EXOC4: variants seen among roughly 807,000 people sequenced by gnomAD.
EXOC4 encodes the protein SEC8-like 1.
EXOC4 carries 71 observed loss-of-function variants against 107.2 expected under a neutral mutation model. The ratio of observed to expected loss-of-function variants is 0.66; its 90% CI spans 0.55 to 0.81. The LOEUF (loss-of-function observed/expected upper bound fraction) is 0.81. Ranked by LOEUF, EXOC4 falls within the 30% of genes least tolerant of loss-of-function variation. The probability of loss-of-function intolerance (pLI) is 0.00; values close to 1 mark genes in which losing one functional copy is unlikely to be tolerated. For missense variants in EXOC4, 1,108 were observed against 1,189.6 expected (o/e 0.93, Z 1.01); for synonymous variants, 456 against 441.2 (o/e 1.03, Z -0.42).
chr7:133,870,131 A>G (rs895331555), intron 11 of EXOC4, among the ~76,000 whole-genome samples: 2 of 152,208 alleles, frequency 1.3e-5, no homozygotes, highest in Admixed American at 6.5e-5. Context: ...AGCTGGAGGT[A>G]AAAGATTGTT....
At chr7:133,268,452 C>T (rs1453443534) in intron 1 of EXOC4, among the ~76,000 whole-genome samples, 1 of 151,974 alleles carries the variant, frequency 6.6e-6, no homozygotes, top group African/African-American at 2.4e-5. Context: ...GTGCTTTTTC[C>T]TTTATTTGAT....
At chr7:134,012,457 T>C (rs932715451) in intron 17 of EXOC4, among the ~76,000 whole-genome samples, 1 of 152,200 alleles carries the variant, frequency 6.6e-6, no homozygotes, top group Non-Finnish European at 1.5e-5. Context: ...AAGTTTTTGA[T>C]CTGAACAATT....
chr7:133,895,523 T>A (rs913147546), intron 11 of EXOC4, 76 bp from the exon 12 acceptor site: 3 of 1,418,786 alleles, frequency 2.1e-6, no homozygotes, highest in Non-Finnish European at 2.9e-6. Context: ...AATTATGACA[T>A]ACTTGGAGTT....
Position 134,065,323 on chromosome 7 carries a change from G to A in EXOC4, c.*795G>A, listed in dbSNP as rs1050007003. On this transcript the variant is annotated 3_prime_UTR_variant, in exon 18 of 18. Coordinates refer to ENST00000253861, the MANE Select transcript of EXOC4 (RefSeq NM_021807.4). ...CTAATTTCTGAGAGAATAATGGTTAGAGAACATTGCATCTCACTTGAAACA... is the reference window on the plus strand; with the variant it reads ...CTAATTTCTGAGAGAATAATGGTTAAAGAACATTGCATCTCACTTGAAACA... 1.3e-5 allele frequency: 2 copies of A among 151,942 alleles called. No homozygotes were observed. The highest frequency in any genetic ancestry group is 4.8e-5 in the African/African-American group (2 of 41,362). 9.4% of individuals were successfully genotyped at this position (151,942 alleles called of 1,614,324 possible). A position where few individuals can be genotyped will look rare whatever the true frequency, so the allele number is the denominator to read the frequency against.
At chr7:133,759,263 A>G (rs1011093197) in intron 10 of EXOC4, among the ~76,000 whole-genome samples, 1 of 151,816 alleles carries the variant, frequency 6.6e-6, no homozygotes, top group African/African-American at 2.4e-5. Context: ...GATTACAAGG[A>G]TGAGCCACTG....
intron 10 of EXOC4, among the ~76,000 whole-genome samples, chr7:133,728,444 T>C (rs1419961997): frequency 6.6e-6 from 1 of 152,238 alleles, no homozygotes; most frequent in Non-Finnish European, 1.5e-5. Context: ...TTGAGAGTTA[T>C]AGACTGTCTC....
chr7:133,364,204 C>T (rs1158807641), intron 6 of EXOC4, among the ~76,000 whole-genome samples: 1 of 152,100 alleles, frequency 6.6e-6, no homozygotes, highest in East Asian at 1.9e-4. Flanking sequence ...TCATGGCTCA[C>T]TGTAGCCTTG....
At chr7:133,724,289 A>G (rs2151109916) in intron 10 of EXOC4, among the ~76,000 whole-genome samples, 1 of 152,316 alleles carries the variant, frequency 6.6e-6, no homozygotes, top group East Asian at 1.9e-4. Flanking sequence ...CAGTCAGACC[A>G]AAGTTTGATG....
intron 9 of EXOC4, among the ~76,000 whole-genome samples, chr7:133,620,069 C>T (rs1006499167): frequency 2.0e-5 from 3 of 151,974 alleles, no homozygotes; most frequent in Admixed American, 1.3e-4. Context: ...GTTACCCAGG[C>T]TGGAGTGCAG....
At chr7:133,844,000 C>G (rs983493067) in intron 11 of EXOC4, among the ~76,000 whole-genome samples, 5 of 152,072 alleles carry the variant, frequency 3.3e-5, no homozygotes, top group African/African-American at 1.2e-4. Flanking sequence ...ATCTTGCATC[C>G]CAGGGATAAA....
At chr7:133,395,720 G>C (rs1331091719) in intron 7 of EXOC4, among the ~76,000 whole-genome samples, 1 of 152,054 alleles carries the variant, frequency 6.6e-6, no homozygotes, top group Non-Finnish European at 1.5e-5. Context: ...AAGACCATCT[G>C]TTCATTCTGT....
intron 17 of EXOC4, among the ~76,000 whole-genome samples, chr7:134,031,567 G>A (rs1795271968): frequency 6.6e-6 from 1 of 152,194 alleles, no homozygotes; most frequent in African/African-American, 2.4e-5. Flanking sequence ...CCAGGTAGAG[G>A]AGGAGTAGAT....
intron 10 of EXOC4, among the ~76,000 whole-genome samples, chr7:133,743,721 G>T (rs958848958): frequency 2.0e-5 from 3 of 152,158 alleles, no homozygotes; most frequent in Non-Finnish European, 2.9e-5. Context: ...AATTGCTAGA[G>T]ATCACTGTCC....
At chr7:133,337,836 T>G (rs1044471924) in intron 5 of EXOC4, among the ~76,000 whole-genome samples, 1 of 152,066 alleles carries the variant, frequency 6.6e-6, no homozygotes, top group Admixed American at 6.5e-5. Context: ...CTCCTTATAT[T>G]TCCTAGGCTG....
intron 9 of EXOC4, among the ~76,000 whole-genome samples, chr7:133,595,219 T>C (rs1011193752): frequency 2.6e-5 from 4 of 152,020 alleles, no homozygotes; most frequent in Non-Finnish European, 5.9e-5. Flanking sequence ...TCAGAGCAAG[T>C]GGTATCCTGG....
intron 14 of EXOC4, among the ~76,000 whole-genome samples, chr7:133,982,334 C>T (rs530456001): frequency 6.0e-4 from 91 of 152,170 alleles, no homozygotes; most frequent in Non-Finnish European, 1.2e-3. Context: ...GGGCAGATCA[C>T]GAGGTCAGGA....
rs529940670 is a variant in EXOC4 at position 133,495,738 on chromosome 7, C to G, written c.1417+15600C>G. Among the ~76,000 whole-genome samples, 8 of 152,282 alleles carry G rather than the reference C, an allele frequency of 5.3e-5. No individual in the cohort carries two copies. The South Asian group carries it at 1.7e-3, about 32-fold the overall frequency. ...ATTCATTCACCTTTTAATGGACTTT[C>G]ATCGTTTCCACTTTGGGGCTACTAT... is the stretch of plus-strand genomic sequence containing the variant. On this transcript the variant is annotated intron_variant, in intron 9 of 17. Coordinates refer to ENST00000253861, the MANE Select transcript of EXOC4 (RefSeq NM_021807.4).
chr7:133,650,319 G>C (rs1348386614), intron 10 of EXOC4, among the ~76,000 whole-genome samples: 1 of 151,936 alleles, frequency 6.6e-6, no homozygotes, highest in Non-Finnish European at 1.5e-5. Flanking sequence ...AAGGAAAAAG[G>C]AAAAAAGGCT....
chr7:133,661,689 CAA>C (rs869078453), intron 10 of EXOC4, among the ~76,000 whole-genome samples: 4 of 23,624 alleles, frequency 1.7e-4, no homozygotes, highest in South Asian at 3.5e-3. Context: ...AAAAAAAAAA[CAA>C]AAAAAAAAAA....
Sources: gnomAD v4.1 joint callset for allele counts (sites outside exome capture counted in the v4.1 genomes callset) on GRCh38, gnomAD v4.1.1 for gene constraint, MANE v1.5 for transcripts, NCBI Gene and HGNC (gene_info 2026-07-23, HGNC 2026-07-21) for gene names.